TJP1: variants seen among roughly 807,000 people sequenced by gnomAD.
TJP1 encodes tight junction protein 1, also known as tight junction protein ZO-1.
In TJP1, 43 loss-of-function variants were observed where a neutral mutation model predicts 194.2. That is an observed-to-expected ratio of 0.22 (90% CI 0.17 to 0.29). The LOEUF (loss-of-function observed/expected upper bound fraction) is 0.29, where lower values mean the gene tolerates loss of function less well. Among genes scored for constraint, TJP1 ranks in the 10% least tolerant of loss-of-function variants. The probability of loss-of-function intolerance (pLI) is 1.00; values close to 1 mark genes in which losing one functional copy is unlikely to be tolerated. For synonymous variants in TJP1, 801 were observed against 779.0 expected (o/e 1.03, Z -0.47); for missense variants, 1,971 against 2,185.7 (o/e 0.90, Z 1.96).
intron 2 of TJP1, among the ~76,000 whole-genome samples, chr15:29,868,647 T>C (rs1168414502): frequency 1.3e-5 from 2 of 152,206 alleles, no homozygotes; most frequent in Admixed American, 1.3e-4. Flanking sequence ...TGAATGGCGC[T>C]GGTATCCACT....
chr15:29,849,718 G>C lies in TJP1; in HGVS notation c.307-49016C>G, dbSNP rs538395470. 1.5e-4 allele frequency among the ~76,000 whole-genome samples: 23 copies of C among 148,998 alleles called. 1 individual carries two copies. In the East Asian group the frequency reaches 4.6e-3, roughly 30 times the overall value. On this transcript the variant is annotated intron_variant, in intron 2 of 28. Transcript: ENST00000356107. ...GCTGAGATCGTGCCACTGTACTCCA[G>C]CCTGGGCAACAGAGAGGACTCCGTC...
At position 29,717,796 on chromosome 15, in the gene TJP1, G is replaced by A. The variant is rs181536089; in HGVS notation, c.3974+225C>T. ...TCATCTGCTTGGAGAATATCTTTCC[G>A]AAAGTCTGCTAAAGGTATAAAGATT... On this transcript the variant is annotated intron_variant, in intron 22 of 27. Transcript: ENST00000614355. Among the ~76,000 whole-genome samples the A allele has an allele frequency of 2.6e-5, 4 of 152,170 alleles. No individual in the cohort carries two copies. In the East Asian group the frequency reaches 5.8e-4, roughly 22 times the overall value.
intron 2 of TJP1, among the ~76,000 whole-genome samples, chr15:29,941,193 C>T (rs936182861): frequency 6.6e-6 from 1 of 152,218 alleles, no homozygotes; most frequent in Non-Finnish European, 1.5e-5. Flanking sequence ...TTGCCTTCCC[C>T]ACCTGCTTGA....
At chr15:29,707,549 T>C (rs1484137965) in intron 25 of TJP1, among the ~76,000 whole-genome samples, 1 of 152,118 alleles carries the variant, frequency 6.6e-6, no homozygotes, top group Non-Finnish European at 1.5e-5. Context: ...TGACCTTTGG[T>C]TCTCCCTGCC....
chr15:29,878,184 G>A (rs957260667), intron 2 of TJP1, among the ~76,000 whole-genome samples: 8 of 151,940 alleles, frequency 5.3e-5, no homozygotes, highest in African/African-American at 1.9e-4. Flanking sequence ...CAAGTAGCTG[G>A]GACTACAGGC....
At chr15:29,878,783 G>C (rs2052810221) in intron 2 of TJP1, among the ~76,000 whole-genome samples, 1 of 152,232 alleles carries the variant, frequency 6.6e-6, no homozygotes, top group Non-Finnish European at 1.5e-5. Context: ...TGGGAGGAGG[G>C]GCTGGCCTGG....
At chr15:29,937,658 G>A (rs1567212729) in intron 2 of TJP1, among the ~76,000 whole-genome samples, 2 of 152,116 alleles carry the variant, frequency 1.3e-5, no homozygotes, top group Admixed American at 6.5e-5. Flanking sequence ...TCAAAGATAT[G>A]CAGTGACATG....
intron 2 of TJP1, among the ~76,000 whole-genome samples, chr15:29,784,742 C>T (rs374036365): frequency 2.5e-4 from 38 of 152,120 alleles, no homozygotes; most frequent in Middle Eastern, 3.4e-3. Flanking sequence ...ATCAAAATGA[C>T]GAGATACATG....
At chr15:29,830,320 TTA>T (rs1415901916) in intron 2 of TJP1, among the ~76,000 whole-genome samples, 1 of 150,204 alleles carries the variant, frequency 6.7e-6, no homozygotes, top group Non-Finnish European at 1.5e-5. Flanking sequence ...ATAATATTAT[TTA>T]TATGATAAAT....
intron 25 of TJP1, among the ~76,000 whole-genome samples, chr15:29,706,600 A>C (rs1272926317): frequency 6.6e-6 from 1 of 152,190 alleles, no homozygotes; most frequent in East Asian, 1.9e-4. Flanking sequence ...CACATTTTAA[A>C]ATCCATGAAA....
chr15:29,884,791 C>G (rs2053059867), intron 2 of TJP1, among the ~76,000 whole-genome samples: 1 of 152,170 alleles, frequency 6.6e-6, no homozygotes, highest in Non-Finnish European at 1.5e-5. Context: ...AAGGCTGCCA[C>G]AAACACCACA....
chr15:29,968,454 G>C (rs2056406649), intron 1 of TJP1: 10 of 969,442 alleles, frequency 1.0e-5, no homozygotes, highest in Non-Finnish European at 1.2e-5. Flanking sequence ...GGCGAAACCA[G>C]TCAGCGGGCA....
chr15:29,847,536 A>C (rs1453775206), intron 2 of TJP1, among the ~76,000 whole-genome samples: 1 of 152,198 alleles, frequency 6.6e-6, no homozygotes, highest in Non-Finnish European at 1.5e-5. Context: ...CTGTAATCCC[A>C]GCACTTTGCG....
At chr15:29,822,639 T>C (rs1254026409), upstream of TJP1, 1 of 264,264 alleles carries the variant, frequency 3.8e-6, no homozygotes, top group African/African-American at 2.3e-5. Context: ...GTAACCCAAG[T>C]AACTTGGAAG....
chr15:29,934,812 G>C (rs1359521226), intron 2 of TJP1, among the ~76,000 whole-genome samples: 1 of 152,206 alleles, frequency 6.6e-6, no homozygotes, highest in Non-Finnish European at 1.5e-5. Context: ...CATTAGCTTT[G>C]CTATGAGTAG....
intron 6 of TJP1, 65 bp from the exon 7 acceptor site, chr15:29,761,834 T>A: frequency 1.4e-6 from 2 of 1,398,930 alleles, no homozygotes; most frequent in South Asian, 1.7e-5. Context: ...ACTTAGTTTG[T>A]TATAAACAGA....
chr15:29,720,226 C>G (rs1385430503), intron 19 of TJP1, 132 bp downstream of exon 19: 2 of 1,109,056 alleles, frequency 1.8e-6, no homozygotes, highest in Non-Finnish European at 2.5e-6. Context: ...GCCCTTGGTA[C>G]TCTCAAATTG....
intron 2 of TJP1, among the ~76,000 whole-genome samples, chr15:29,781,607 C>T (rs976229884): frequency 6.6e-6 from 1 of 152,308 alleles, no homozygotes; most frequent in East Asian, 1.9e-4. Context: ...TATTAAAAAG[C>T]TAATCCACCA....
intron 8 of TJP1, 110 bp from the exon 9 acceptor site, chr15:29,742,891 G>A: frequency 2.1e-6 from 2 of 941,326 alleles, no homozygotes; most frequent in Non-Finnish European, 2.9e-6. Flanking sequence ...ATGACAACCT[G>A]CTCTAACAGA....
Sources: allele counts gnomAD v4.1 joint callset (sites outside exome capture counted in the v4.1 genomes callset), GRCh38; gene constraint gnomAD v4.1.1; transcripts MANE v1.5; gene names NCBI Gene and HGNC (gene_info 2026-07-23, HGNC 2026-07-21).